USP49: variants seen among roughly 807,000 people sequenced by gnomAD.
USP49 encodes the protein ubiquitin specific peptidase 49.
Under a neutral mutation model 58.6 loss-of-function variants are expected in USP49, and 24 were observed. The ratio of observed to expected loss-of-function variants is 0.41; its 90% CI spans 0.30 to 0.58. The LOEUF (loss-of-function observed/expected upper bound fraction) is 0.58, where lower values mean the gene tolerates loss of function less well. USP49 is among the 20% of genes least tolerant of loss of function. The pLI is 0.30. For missense variants in USP49, 703 were observed against 866.1 expected, an observed-to-expected ratio of 0.81 and a Z score of 2.36; for synonymous variants, 408 against 365.1, an observed-to-expected ratio of 1.12 and a Z score of -1.34.
rs899262170 is a variant in USP49 at position 41,794,131 on chromosome 6, G to T, written c.*2402C>A. On this transcript the variant is annotated 3_prime_UTR_variant, in exon 8 of 8. Transcript: ENST00000682992. ...AATAAAAATCTCCTTAAATACTAAC[G>T]TCCTAAGTGTCCAGTGCTGCCGCCT... 1 of 152,164 alleles carries T rather than the reference G, an allele frequency of 6.6e-6. No individual in the cohort carries two copies. The highest frequency in any genetic ancestry group is 2.4e-5 in the African/African-American group (1 of 41,424). The allele number at this position is 152,164 out of a possible 1,614,324, so 9.4% of individuals were successfully genotyped here. A position where few individuals can be genotyped will look rare whatever the true frequency, so the allele number is the denominator to read the frequency against.
At chr6:41,893,321 C>T (rs1582043959) in intron 1 of USP49, among the ~76,000 whole-genome samples, 1 of 152,196 alleles carries the variant, frequency 6.6e-6, no homozygotes, top group Non-Finnish European at 1.5e-5. Flanking sequence ...GCCCTCAGCT[C>T]TGATTTAATC....
intron 3 of USP49, among the ~76,000 whole-genome samples, chr6:41,853,915 C>T (rs750909487): frequency 5.6e-5 from 8 of 142,624 alleles, no homozygotes; most frequent in African/African-American, 1.0e-4. Context: ...AGGAGAATTG[C>T]TTGAACCCGG....
chr6:41,814,287 A>ATCC (rs1773310828), intron 3 of USP49, among the ~76,000 whole-genome samples: 1 of 152,248 alleles, frequency 6.6e-6, no homozygotes, highest in African/African-American at 2.4e-5. Flanking sequence ...TTTATTTTAA[A>ATCC]AATCTGAATC....
chr6:41,834,670 G>C (rs149815895), intron 3 of USP49, among the ~76,000 whole-genome samples: 3 of 152,234 alleles, frequency 2.0e-5, no homozygotes, highest in Non-Finnish European at 4.4e-5. Flanking sequence ...TTTTGCTCCT[G>C]CTCCAGCCAT....
intron 3 of USP49, among the ~76,000 whole-genome samples, chr6:41,849,776 T>C (rs1271320142): frequency 6.6e-6 from 1 of 151,990 alleles, no homozygotes; most frequent in Admixed American, 6.6e-5. Flanking sequence ...CCCAGCTAAT[T>C]TTTTGTATTT....
intron 3 of USP49, among the ~76,000 whole-genome samples, chr6:41,818,609 C>T (rs1014196633): frequency 6.6e-6 from 1 of 152,184 alleles, no homozygotes. Context: ...TGTCCCACTG[C>T]TTAGGCCCTG....
Position 41,884,591 on chromosome 6 carries a change from G to A in USP49, c.-103+7203C>T, listed in dbSNP as rs114603190. ...CATGGGAATGAGGGCTGAACAGAAG[G>A]CCTTTGTACACCAAAGCTATACTGT... On this transcript the variant is annotated intron_variant, in intron 2 of 7. Transcript: ENST00000682992. Among the ~76,000 whole-genome samples the A allele has an allele frequency of 3.9e-3, 594 of 152,280 alleles. 7 individuals carry two copies. The highest frequency in any genetic ancestry group is 0.014 in the African/African-American group (565 of 41,570).
chr6:41,821,530 T>TG, intron 3 of USP49, among the ~76,000 whole-genome samples: 1 of 152,266 alleles, frequency 6.6e-6, no homozygotes, highest in South Asian at 2.1e-4. Flanking sequence ...CCTAGTACTT[T>TG]GGGAGGCTGA....
intron 2 of USP49, among the ~76,000 whole-genome samples, chr6:41,871,871 A>G (rs1160675321): frequency 6.6e-6 from 1 of 152,226 alleles, no homozygotes; most frequent in East Asian, 1.9e-4. Flanking sequence ...TGGAAGTATT[A>G]AAGGTTTACT....
At chr6:41,812,210 G>C (rs1773269175) in intron 3 of USP49, among the ~76,000 whole-genome samples, 1 of 151,688 alleles carries the variant, frequency 6.6e-6, no homozygotes. Context: ...CTCACAAATA[G>C]CTGGGATTAT....
chr6:41,841,014 CAA>C, intron 3 of USP49, among the ~76,000 whole-genome samples: 1 of 134,768 alleles, frequency 7.4e-6, no homozygotes, highest in African/African-American at 2.8e-5. Context: ...GACCTTGTTT[CAA>C]AAAAAAAAAC....
intron 3 of USP49, among the ~76,000 whole-genome samples, chr6:41,827,346 T>C (rs1030052437): frequency 2.6e-5 from 4 of 152,114 alleles, no homozygotes; most frequent in African/African-American, 9.7e-5. Context: ...ACTCCCCATT[T>C]ATTTAAGATT....
At chr6:41,844,593 G>A (rs1234686422) in intron 3 of USP49, among the ~76,000 whole-genome samples, 5 of 152,124 alleles carry the variant, frequency 3.3e-5, no homozygotes, top group Non-Finnish European at 7.3e-5. Context: ...AATTACAGGC[G>A]TGAGCCACCG....
intron 3 of USP49, among the ~76,000 whole-genome samples, chr6:41,807,630 C>T (rs1426106627): frequency 4.0e-5 from 6 of 151,598 alleles, no homozygotes; most frequent in South Asian, 2.1e-4. Flanking sequence ...TTAGTAGAGA[C>T]GGGGTTTCAA....
intron 3 of USP49, among the ~76,000 whole-genome samples, chr6:41,849,291 T>G (rs577788446): frequency 1.3e-5 from 2 of 152,312 alleles, no homozygotes; most frequent in Non-Finnish European, 1.5e-5. Flanking sequence ...TCAGAGCTTC[T>G]AAATATATGA....
chr6:41,867,701 G>C (rs574255363), intron 3 of USP49, among the ~76,000 whole-genome samples: 1 of 151,812 alleles, frequency 6.6e-6, no homozygotes, highest in Admixed American at 6.6e-5. Context: ...GCAGTGAGCC[G>C]AGATCACGCC....
chr6:41,855,785 T>C (rs1224922882), intron 3 of USP49, among the ~76,000 whole-genome samples: 1 of 152,064 alleles, frequency 6.6e-6, no homozygotes, highest in East Asian at 1.9e-4. Context: ...CTGTGGCTTG[T>C]GCCTGTAATC....
intron 3 of USP49, among the ~76,000 whole-genome samples, chr6:41,825,444 A>G (rs1773521909): frequency 6.6e-6 from 1 of 151,950 alleles, no homozygotes; most frequent in African/African-American, 2.4e-5. Context: ...TTAAAAGAAA[A>G]AAAAAAAAAG....
intron 2 of USP49, among the ~76,000 whole-genome samples, chr6:41,875,673 GGA>G (rs1175677510): frequency 6.6e-6 from 1 of 152,094 alleles, no homozygotes; most frequent in Non-Finnish European, 1.5e-5. Context: ...AGGCCTTGAT[GGA>G]CTTAAGTGTT....
Sources: allele counts gnomAD v4.1 joint callset (sites outside exome capture counted in the v4.1 genomes callset), GRCh38; gene constraint gnomAD v4.1.1; transcripts MANE v1.5; gene names NCBI Gene and HGNC (gene_info 2026-07-23, HGNC 2026-07-21).